The following ERH variants were observed in gnomAD, a reference collection of about 807,000 sequenced individuals.
The protein encoded by ERH is enhancer of rudimentary homolog.
ERH carries 1 observed loss-of-function variant against 16.8 expected under a neutral mutation model. The ratio of observed to expected loss-of-function variants is 0.06; its 90% CI spans 0.02 to 0.28. ERH has a LOEUF of 0.28. Among genes scored for constraint, ERH ranks in the 10% least tolerant of loss-of-function variants. ERH has a pLI of 1.00. For missense variants in ERH, 42 were observed against 127.5 expected, an observed-to-expected ratio of 0.33 and a Z score of 3.23; for synonymous variants, 43 against 43.6, an observed-to-expected ratio of 0.99 and a Z score of 0.05.
At chr14:69,393,636 T>A (rs1882267932) in intron 2 of ERH, among the ~76,000 whole-genome samples, 1 of 152,198 alleles carries the variant, frequency 6.6e-6, no homozygotes, top group Non-Finnish European at 1.5e-5. Flanking sequence ...CAGAGTGGAA[T>A]AACTGACACT....
At chr14:69,388,510 G>A (rs968408995) in intron 2 of ERH, among the ~76,000 whole-genome samples, 4 of 151,948 alleles carry the variant, frequency 2.6e-5, no homozygotes, top group East Asian at 1.9e-4. Flanking sequence ...ACAGGCACCC[G>A]CCACCACACC....
At position 69,394,853 on chromosome 14, in the gene ERH, G is replaced by A. The variant is rs1488188230; in HGVS notation, c.63C>T (p.Asp21=). 6.2e-7 allele frequency: 1 copy of A among 1,613,734 alleles called. No homozygotes were observed. The highest frequency in any genetic ancestry group is 1.1e-5 in the South Asian group (1 of 91,068). The part of the protein sequence containing the change: ...TKRPEGRTYA[D]YESVNECMEG... ...CCATGCATTCATTCACAGATTCGTA[G>A]TCAGCATAAGTTCTGCCTTCTGGCC... is the stretch of plus-strand genomic sequence containing the variant. The change falls in exon 2 of 4, where the codon GAC becomes GAT. Residue 21 remains aspartate, a synonymous_variant. Coordinates refer to ENST00000557016, the MANE Select transcript of ERH (RefSeq NM_004450.3).
intron 3 of ERH, among the ~76,000 whole-genome samples, chr14:69,383,282 C>T (rs1165725411): frequency 6.6e-6 from 1 of 152,142 alleles, no homozygotes. Flanking sequence ...AGTCATGTTA[C>T]AAAGTAGAAT....
chr14:69,384,475 A>G (rs895414240), intron 3 of ERH, among the ~76,000 whole-genome samples: 9 of 152,176 alleles, frequency 5.9e-5, no homozygotes, highest in Non-Finnish European at 1.0e-4. Context: ...TCTTAACCAC[A>G]GCCTCCCAAG....
intron 3 of ERH, among the ~76,000 whole-genome samples, chr14:69,382,789 C>CAAAAAAAAAAAAAAAA (rs1278831093): frequency 5.8e-5 from 6 of 103,164 alleles, no homozygotes; most frequent in African/African-American, 2.2e-4. Flanking sequence ...ACTCTATCTC[C>CAAAAAAAAAAAAAAAA]AAAAGAAAAA....
intron 2 of ERH, 109 bp downstream of exon 2, chr14:69,394,716 A>G (rs1320063995): frequency 3.3e-5 from 21 of 627,260 alleles, no homozygotes; most frequent in Non-Finnish European, 5.5e-6. Flanking sequence ...TGGAAGTGAT[A>G]AAGGCAGGGC....
intron 2 of ERH, among the ~76,000 whole-genome samples, chr14:69,393,615 A>T (rs1294624949): frequency 6.6e-6 from 1 of 152,236 alleles, no homozygotes; most frequent in Non-Finnish European, 1.5e-5. Flanking sequence ...TGATGTGTGC[A>T]CATGGACAGA....
rs116075924 is a variant in ERH, at chr14:69,396,772, A to G, written c.3+1459T>C. Among the ~76,000 whole-genome samples the G allele has an allele frequency of 3.1e-3, 477 of 152,360 alleles. 4 individuals carry two copies. The highest frequency in any genetic ancestry group is 0.011 in the African/African-American group (463 of 41,592). On this transcript the variant is annotated intron_variant, in intron 1 of 3. Coordinates refer to ENST00000557016, the MANE Select transcript of ERH (RefSeq NM_004450.3). ...GGAACTTGGTGACAAGAGACGAAGG[A>G]TTAACTCTCACCTGTAATAACCTGA...
chr14:69,397,582 T>C (rs1366809236), intron 1 of ERH, among the ~76,000 whole-genome samples: 7 of 152,100 alleles, frequency 4.6e-5, no homozygotes, highest in East Asian at 1.9e-4. Context: ...TAGACAACCC[T>C]GGCCCATTGT....
At chr14:69,383,399 A>G (rs1347795087) in intron 3 of ERH, among the ~76,000 whole-genome samples, 1 of 152,234 alleles carries the variant, frequency 6.6e-6, no homozygotes, top group African/African-American at 2.4e-5. Flanking sequence ...ACAACCATCT[A>G]CAAACCAAAA....
rs1351401793 is a variant in ERH at position 69,398,235 on chromosome 14, G to T, written c.-2C>A. The T allele has an allele frequency of 6.2e-7, 1 of 1,613,866 alleles. No homozygotes were observed. Among genetic ancestry groups the T allele is most frequent in the Admixed American group, 1.7e-5 (1 of 59,986 alleles). On this transcript the variant is annotated 5_prime_UTR_variant, in exon 1 of 4. Transcript: ENST00000557016. ...AGCCGCGGAGGCCTTTCTCACCATC[G>T]CGCCAAACTCTCTTCGCTACAGCAG...
At chr14:69,383,826 G>C (rs748540990) in intron 3 of ERH, among the ~76,000 whole-genome samples, 10 of 152,228 alleles carry the variant, frequency 6.6e-5, no homozygotes, top group South Asian at 6.2e-4. Context: ...AGTTTAGTAT[G>C]CTAGATATGG....
intron 2 of ERH, among the ~76,000 whole-genome samples, chr14:69,393,147 T>C (rs1180265385): frequency 1.3e-5 from 2 of 152,142 alleles, no homozygotes; most frequent in East Asian, 3.8e-4. Flanking sequence ...CGAAACCCTG[T>C]CTTTACTAAA....
chr14:69,386,177 T>C (rs1200596079), intron 3 of ERH, among the ~76,000 whole-genome samples: 2 of 152,122 alleles, frequency 1.3e-5, no homozygotes, highest in Non-Finnish European at 2.9e-5. Flanking sequence ...GAAATGCGTG[T>C]TTTGGAACTT....
Position 69,398,266 on chromosome 14 carries a change from G to C in ERH, c.-33C>G, listed in dbSNP as rs775866174. The C allele has an allele frequency of 1.2e-6, 2 of 1,612,910 alleles. No homozygotes were observed. Among genetic ancestry groups the C allele is most frequent in the East Asian group, 2.2e-5 (1 of 44,840 alleles). On this transcript the variant is annotated 5_prime_UTR_variant, in exon 1 of 4. Coordinates refer to ENST00000557016, the MANE Select transcript of ERH (RefSeq NM_004450.3). Reference sequence around the variant, plus strand: ...AACTCTCTTCGCTACAGCAGCTGCCGACACCGCCGCCGTTACACGAGCTTA... The same window carrying C: ...AACTCTCTTCGCTACAGCAGCTGCCCACACCGCCGCCGTTACACGAGCTTA...
intron 1 of ERH, among the ~76,000 whole-genome samples, chr14:69,396,815 T>C (rs1457973679): frequency 6.6e-6 from 1 of 152,236 alleles, no homozygotes; most frequent in Non-Finnish European, 1.5e-5. Context: ...AAGCCTTTGT[T>C]AAATCGATTT....
rs1343380693 is a variant in ERH, at chr14:69,395,992, T to G, written c.4-1080A>C. Among the ~76,000 whole-genome samples the G allele has an allele frequency of 2.6e-5, 4 of 152,202 alleles. No homozygotes were observed. In the South Asian group the frequency reaches 6.2e-4, roughly 24 times the overall value. Reference sequence around the variant, plus strand: ...TTCTCAACGTGGGCTCTATTACCTTTTGGGTTGACTGATTCTTTGTTACAA... The same window carrying G: ...TTCTCAACGTGGGCTCTATTACCTTGTGGGTTGACTGATTCTTTGTTACAA... On this transcript the variant is annotated intron_variant, in intron 1 of 3. Coordinates refer to ENST00000557016, the MANE Select transcript of ERH (RefSeq NM_004450.3).
chr14:69,393,131 A>G (rs975685538), intron 2 of ERH, among the ~76,000 whole-genome samples: 1 of 152,348 alleles, frequency 6.6e-6, no homozygotes, highest in Non-Finnish European at 1.5e-5. Flanking sequence ...AGCCTGGCCA[A>G]CGTGGCGAAA....
At chr14:69,391,630 A>G (rs983411108) in intron 2 of ERH, among the ~76,000 whole-genome samples, 13 of 141,510 alleles carry the variant, frequency 9.2e-5, no homozygotes, top group African/African-American at 3.4e-4. Flanking sequence ...CCTGGGTGAC[A>G]GAGTAAGACT....
Sources: gnomAD v4.1 joint callset for allele counts (sites outside exome capture counted in the v4.1 genomes callset) on GRCh38, gnomAD v4.1.1 for gene constraint, MANE v1.5 for transcripts, NCBI Gene and HGNC (gene_info 2026-07-23, HGNC 2026-07-21) for gene names.